Variants in HSPA14 observed in about 807,000 individuals in gnomAD.
HSPA14 encodes the protein heat shock protein family A (Hsp70) member 14, also known as heat shock 70 kDa protein 14.
Under a neutral mutation model 65.5 loss-of-function variants are expected in HSPA14, and 37 were observed. That is an observed-to-expected ratio of 0.56 (90% CI 0.43 to 0.74). The LOEUF is 0.74. Ranked by LOEUF, HSPA14 falls within the 30% of genes least tolerant of loss-of-function variation. HSPA14 has a pLI of 0.00. For synonymous variants in HSPA14, 203 were observed against 214.2 expected (o/e 0.95, Z 0.46); for missense variants, 564 against 607.6 (o/e 0.93, Z 0.75).
In HSPA14 at chr10:14,848,735, C is replaced by CT. The variant is rs991975247; in HGVS notation, c.271-52dup. The CT allele has an allele frequency of 5.5e-6, 8 of 1,453,442 alleles. No individual in the cohort carries two copies. The Admixed American group carries it at 1.3e-4, about 24-fold the overall frequency. The allele number at this position is 1,453,442 out of a possible 1,614,324, so 90.0% of individuals were successfully genotyped here. On this transcript the variant is annotated intron_variant, in intron 4 of 13. Coordinates refer to ENST00000378372, the MANE Select transcript of HSPA14 (RefSeq NM_016299.4). ...GATAACATGGAATGTTGATTTGAAA[C>CT]TTTGCATTTTTATTAAAAATTATTT...
chr10:14,861,879 G>A (rs999730332), intron 10 of HSPA14, among the ~76,000 whole-genome samples: 1 of 151,800 alleles, frequency 6.6e-6, no homozygotes, highest in African/African-American at 2.4e-5. Context: ...GGGCGTGATG[G>A]TGCGCGCCTG....
Position 14,842,044 on chromosome 10 carries a change from A to G in HSPA14, c.221+1887A>G. On this transcript the variant is annotated intron_variant, in intron 3 of 13. Transcript: ENST00000378372. This position sits in a 1 kb window ranked among gnomAD's most constrained non-coding sequence, Gnocchi z 5.2. ...CTCAGTCTTGGCCTCATGCCTGTTTATGACCTACTCACAGGTAGCACCACT... is the reference window on the plus strand; with the variant it reads ...CTCAGTCTTGGCCTCATGCCTGTTTGTGACCTACTCACAGGTAGCACCACT... 1.1e-6 allele frequency: 1 copy of G among 926,722 alleles called. No homozygotes were observed. Among genetic ancestry groups the G allele is most frequent in the East Asian group, 3.0e-5 (1 of 33,480 alleles). The allele number at this position is 926,722 out of a possible 1,614,324, so 57.4% of individuals were successfully genotyped here. A position where few individuals can be genotyped will look rare whatever the true frequency, so the allele number is the denominator to read the frequency against.
intron 10 of HSPA14, among the ~76,000 whole-genome samples, chr10:14,856,749 C>A (rs1832703378): frequency 6.6e-6 from 1 of 152,014 alleles, no homozygotes; most frequent in African/African-American, 2.4e-5. Flanking sequence ...GTCTCAGCTT[C>A]TTGGGAGGCT....
intron 3 of HSPA14, 91 bp downstream of exon 3, chr10:14,840,248 G>A (rs899860590): frequency 1.7e-6 from 1 of 591,078 alleles, no homozygotes; most frequent in Non-Finnish European, 2.6e-6. Context: ...AAACAGCATA[G>A]TTTGTTTCTT....
chr10:14,842,630 G>C lies in HSPA14; in HGVS notation c.221+2473G>C, dbSNP rs866352873. 1 of 1,536,100 alleles carries C rather than the reference G, an allele frequency of 6.5e-7. No individual in the cohort carries two copies. Among genetic ancestry groups the C allele is most frequent in the South Asian group, 1.2e-5 (1 of 84,074 alleles). On this transcript the variant is annotated intron_variant, in intron 3 of 13. Coordinates refer to ENST00000378372, the MANE Select transcript of HSPA14 (RefSeq NM_016299.4). This position sits in a 1 kb window ranked among gnomAD's most constrained non-coding sequence, Gnocchi z 5.2. ...CCCAGACAACTTAATGGAGGATGCT[G>C]CTTGGGCCAAGCACTGTGATCAGAA...
In HSPA14 at chr10:14,860,832, C is replaced by T. The variant is rs1356322164; in HGVS notation, c.993+4889C>T. Among the ~76,000 whole-genome samples the T allele has an allele frequency of 1.3e-5, 2 of 152,016 alleles. 1 individual carries two copies. The highest frequency in any genetic ancestry group is 3.9e-4 in the East Asian group (2 of 5,180). On this transcript the variant is annotated intron_variant, in intron 10 of 13. Transcript: ENST00000378372. Reference sequence around the variant, plus strand: ...TGTCCACACATGTACTCTTTAAAGCCATGAAACTGGACAGGTGTACCCATG... The same window carrying T: ...TGTCCACACATGTACTCTTTAAAGCTATGAAACTGGACAGGTGTACCCATG...
chr10:14,870,430 C>G lies in HSPA14; in HGVS notation c.1381-167C>G, dbSNP rs138377421. 1.6e-4 allele frequency among the ~76,000 whole-genome samples: 25 copies of G among 152,258 alleles called. No individual in the cohort carries two copies. The East Asian group carries it at 4.8e-3, about 29-fold the overall frequency. ...AACATTTCAAGTTAACAAAGCTTCACTCCTATTCTCTGAATTCTGATTCAG... is the reference window on the plus strand; with the variant it reads ...AACATTTCAAGTTAACAAAGCTTCAGTCCTATTCTCTGAATTCTGATTCAG... On this transcript the variant is annotated intron_variant, in intron 12 of 13. Transcript: ENST00000378372.
At chr10:14,848,243 G>A (rs1015640947) in intron 3 of HSPA14, among the ~76,000 whole-genome samples, 6 of 152,054 alleles carry the variant, frequency 3.9e-5, no homozygotes, top group African/African-American at 1.4e-4. Context: ...CCTTTAGTTT[G>A]CAACTTTCTC....
rs776109779 is a variant in HSPA14, at chr10:14,855,866, C to G, written c.916C>G (p.Pro306Ala). The G allele has an allele frequency of 6.2e-7, 1 of 1,604,492 alleles. No individual in the cohort carries two copies. Among genetic ancestry groups the G allele is most frequent in the Non-Finnish European group, 8.5e-7 (1 of 1,171,688 alleles). Residue 306 changes from proline (P) to alanine (A), a missense_variant, in exon 10 of 14, where the codon CCA becomes GCA. Pro to Ala is a conservative substitution (Grantham distance 27). Transcript: ENST00000378372. ...AGCAAGATTTGAACTTCTTTGTTCT[C>G]CACTTTTTAATAAGTGTATAGAAGC... ...SRARFELLCS[P>A]LFNKCIEAIR... is the part of the protein sequence containing the mutation.
At chr10:14,854,011 C>T (rs963527000) in intron 8 of HSPA14, 114 bp from the exon 9 acceptor site, 4 of 1,074,876 alleles carry the variant, frequency 3.7e-6, no homozygotes, top group East Asian at 2.7e-5. Flanking sequence ...AGCCACCGCA[C>T]CCGGCCTGAT....
At chr10:14,841,222 T>C (rs1473160155) in intron 3 of HSPA14, 2 of 152,186 alleles carry the variant, frequency 1.3e-5, no homozygotes, top group African/African-American at 2.4e-5. Context: ...CAATATTCAG[T>C]GACAATAAAT....
intron 8 of HSPA14, among the ~76,000 whole-genome samples, chr10:14,853,441 G>A (rs1340017335): frequency 6.6e-6 from 1 of 152,264 alleles, no homozygotes; most frequent in East Asian, 1.9e-4. Flanking sequence ...AGACTTTGAC[G>A]CTCTTACATA....
intron 3 of HSPA14, among the ~76,000 whole-genome samples, chr10:14,841,561 A>G (rs1833971499): frequency 2.0e-5 from 3 of 152,258 alleles, no homozygotes; most frequent in Non-Finnish European, 4.4e-5. Context: ...GTCCAGATAC[A>G]GAACATTTCC....
chr10:14,861,054 C>T (rs915604269), intron 10 of HSPA14, among the ~76,000 whole-genome samples: 1 of 152,130 alleles, frequency 6.6e-6, no homozygotes, highest in African/African-American at 2.4e-5. Context: ...GCTTAACCTC[C>T]TTGAGGATTG....
chr10:14,868,494 G>A (rs1182755500), intron 12 of HSPA14, among the ~76,000 whole-genome samples: 1 of 150,746 alleles, frequency 6.6e-6, no homozygotes. Context: ...GAGAAATGCA[G>A]TTGCATTCAC....
chr10:14,868,776 C>T (rs1472688897), intron 12 of HSPA14, among the ~76,000 whole-genome samples: 1 of 152,206 alleles, frequency 6.6e-6, no homozygotes, highest in Non-Finnish European at 1.5e-5. Flanking sequence ...ACAAACAGCA[C>T]AGGACATGAG....
chr10:14,857,487 A>C (rs1026239862), intron 10 of HSPA14, among the ~76,000 whole-genome samples: 3 of 152,140 alleles, frequency 2.0e-5, no homozygotes, highest in African/African-American at 4.8e-5. Context: ...AGATCTTTTC[A>C]CTTTATATTT....
intron 10 of HSPA14, among the ~76,000 whole-genome samples, chr10:14,864,952 T>C (rs1832792302): frequency 6.6e-6 from 1 of 152,160 alleles, no homozygotes; most frequent in African/African-American, 2.4e-5. Flanking sequence ...AGTGTAAGTG[T>C]TCCTATTTCT....
intron 3 of HSPA14, chr10:14,846,281 T>A: frequency 1.0e-6 from 1 of 985,196 alleles, no homozygotes; most frequent in Non-Finnish European, 1.2e-6. Flanking sequence ...TGACGGAGAG[T>A]TAGGCCTGTA....
Sources: gnomAD v4.1 joint callset for allele counts (sites outside exome capture counted in the v4.1 genomes callset) on GRCh38, gnomAD v4.1.1 for gene constraint, Gnocchi (gnomAD v3.1) non-coding constraint, MANE v1.5 for transcripts, NCBI Gene and HGNC (gene_info 2026-07-23, HGNC 2026-07-21) for gene names.